The following ANO2 variants were observed in gnomAD, a reference collection of about 807,000 sequenced individuals.
The protein encoded by ANO2 is anoctamin 2, also known as anoctamin-2.
A neutral mutation model predicts 124.2 loss-of-function variants in ANO2; 101 were observed. The observed-to-expected ratio is 0.81, with a 90% confidence interval of 0.69 to 0.96. The LOEUF is 0.96. Ranked by LOEUF, ANO2 falls within the 40% of genes least tolerant of loss-of-function variation. The pLI, the probability that ANO2 is intolerant of heterozygous loss-of-function variation, is 0.00. For synonymous variants in ANO2, 486 were observed against 482.5 expected, an observed-to-expected ratio of 1.01 and a Z score of -0.09; for missense variants, 1,293 against 1,274.5, an observed-to-expected ratio of 1.01 and a Z score of -0.22.
At chr12:5,637,104 C>T (rs1260885724) in intron 15 of ANO2, among the ~76,000 whole-genome samples, 1 of 151,946 alleles carries the variant, frequency 6.6e-6, no homozygotes, top group African/African-American at 2.4e-5. Context: ...CACCAGCCTC[C>T]AGGACTAAGT....
chr12:5,752,584 T>C (rs556677531), intron 10 of ANO2, among the ~76,000 whole-genome samples: 1 of 152,328 alleles, frequency 6.6e-6, no homozygotes, highest in African/African-American at 2.4e-5. Flanking sequence ...TTCTTTGTTT[T>C]GCCACTGAAT....
intron 4 of ANO2, among the ~76,000 whole-genome samples, chr12:5,852,358 G>A (rs1259450635): frequency 6.6e-6 from 1 of 152,160 alleles, no homozygotes; most frequent in Non-Finnish European, 1.5e-5. Flanking sequence ...AGACACTTCA[G>A]GCATGTGACC....
chr12:5,744,189 G>A lies in ANO2; in HGVS notation c.1319C>T (p.Thr440Ile). The stretch of plus-strand genomic sequence containing the variant: ...AGCCATGAAGATAGAGAAGAAGACG[G>A]TGGCAGGGTTGTCAAACAGGTGGCT... ...QASHLFDNPA[T>I]VFFSIFMALW... Residue 440 changes from threonine to isoleucine, a missense_variant, in exon 12 of 25, where the codon ACC becomes ATC. By Grantham distance (89) the Thr-to-Ile change is moderately conservative. Coordinates refer to ENST00000682330, the MANE Select transcript of ANO2 (RefSeq NM_001364791.2). 1.2e-6 allele frequency: 2 copies of A among 1,613,162 alleles called. No homozygotes were observed. The highest frequency in any genetic ancestry group is 1.1e-5 in the South Asian group (1 of 91,082).
At chr12:5,883,482 T>C (rs1938650140) in intron 3 of ANO2, among the ~76,000 whole-genome samples, 1 of 150,622 alleles carries the variant, frequency 6.6e-6, no homozygotes, top group Non-Finnish European at 1.5e-5. Flanking sequence ...TGTGCATGTG[T>C]GCGTGTTTGA....
At chr12:5,594,489 G>C (rs572723169) in intron 20 of ANO2, among the ~76,000 whole-genome samples, 83 of 152,218 alleles carry the variant, frequency 5.5e-4, no homozygotes, top group Admixed American at 7.8e-4. Context: ...CTAATCCCAG[G>C]TCTGTATCTG....
intron 16 of ANO2, among the ~76,000 whole-genome samples, chr12:5,618,007 G>A (rs957660183): frequency 6.6e-6 from 1 of 152,228 alleles, no homozygotes; most frequent in African/African-American, 2.4e-5. Context: ...CTTTGTGAAG[G>A]AGTAGGATGG....
intron 14 of ANO2, among the ~76,000 whole-genome samples, chr12:5,695,824 G>C (rs1472527966): frequency 6.6e-6 from 1 of 152,142 alleles, no homozygotes; most frequent in Non-Finnish European, 1.5e-5. Flanking sequence ...CTGGGTGACA[G>C]AGCAAGACTC....
chr12:5,802,203 T>C (rs1953062187), intron 9 of ANO2, among the ~76,000 whole-genome samples: 2 of 152,224 alleles, frequency 1.3e-5, no homozygotes, highest in Admixed American at 6.5e-5. Context: ...ATCCCAGATC[T>C]GCTGAAAGAG....
intron 9 of ANO2, among the ~76,000 whole-genome samples, chr12:5,805,207 A>G (rs954810463): frequency 6.6e-6 from 1 of 152,210 alleles, no homozygotes; most frequent in Non-Finnish European, 1.5e-5. Flanking sequence ...AGGGACTAAT[A>G]GGCAGGATAA....
At chr12:5,922,513 C>T (rs562001015) in intron 2 of ANO2, 107 bp downstream of exon 2, 1 of 1,263,334 alleles carries the variant, frequency 7.9e-7, no homozygotes, top group Admixed American at 3.0e-5. Context: ...CTCTCTCTTT[C>T]ACGCACACAT....
intron 15 of ANO2, among the ~76,000 whole-genome samples, chr12:5,637,052 GC>G (rs887281548): frequency 7.2e-6 from 1 of 139,546 alleles, no homozygotes; most frequent in Non-Finnish European, 1.5e-5. Context: ...TCTGTGTGAG[GC>G]CCCTCTTCTG....
At position 5,902,918 on chromosome 12, in the gene ANO2, C is replaced by G. The variant is rs150351014; in HGVS notation, c.534+18122G>C. On this transcript the variant is annotated intron_variant, in intron 3 of 24. Transcript: ENST00000682330. ...GAGGGGAGGGGAGTTCTAGCTCAAACCAGGGCACAAAGGTGGGTGACTTAT... is the reference window on the plus strand; with the variant it reads ...GAGGGGAGGGGAGTTCTAGCTCAAAGCAGGGCACAAAGGTGGGTGACTTAT... Among the ~76,000 whole-genome samples the G allele has an allele frequency of 5.0e-3, 621 of 125,006 alleles. 18 individuals carry two copies. The highest frequency in any genetic ancestry group is 0.019 in the African/African-American group (594 of 31,634). The allele number at this position is 125,006 out of a possible 152,430, so 82.0% of individuals were successfully genotyped here. A position where few individuals can be genotyped will look rare whatever the true frequency, so the allele number is the denominator to read the frequency against.
chr12:5,933,399 G>T (rs909904848), intron 1 of ANO2, among the ~76,000 whole-genome samples: 2 of 152,130 alleles, frequency 1.3e-5, no homozygotes, highest in African/African-American at 4.8e-5. Flanking sequence ...AATGTTAAAA[G>T]ATTTTAAGCA....
Position 5,775,525 on chromosome 12 carries a change from G to A in ANO2, c.1055+23982C>T, listed in dbSNP as rs183493488. ...CGCCCAGGCTGGAGTGCAGTGGCGC[G>A]ATCTTGGCTCACTGCAAGCTCCGCC... On this transcript the variant is annotated intron_variant, in intron 10 of 24. Coordinates refer to ENST00000682330, the MANE Select transcript of ANO2 (RefSeq NM_001364791.2). Among the ~76,000 whole-genome samples, 1,420 of 148,646 alleles carry A rather than the reference G, an allele frequency of 9.6e-3. 9 individuals carry two copies. The highest frequency in any genetic ancestry group is 0.015 in the Non-Finnish European group (982 of 67,594).
At chr12:5,569,678 G>A (rs1184093804) in intron 23 of ANO2, among the ~76,000 whole-genome samples, 1 of 152,168 alleles carries the variant, frequency 6.6e-6, no homozygotes, top group African/African-American at 2.4e-5. Context: ...GCTGAGCATA[G>A]AGGAGCTGTC....
At position 5,925,547 on chromosome 12, in the gene ANO2, C is replaced by T. The variant is rs958544304; in HGVS notation, c.23-2743G>A. On this transcript the variant is annotated intron_variant, in intron 1 of 24. Transcript: ENST00000682330. The surrounding 1 kb of genome is among the most constrained non-coding windows in gnomAD (Gnocchi z 4.6). ...GACGTGAGAGGAAGGCCAAGGGGAA[C>T]GCGAGTGACGCCTGCCCTCAGGAAG... Among the ~76,000 whole-genome samples, 1 of 152,154 alleles carries T rather than the reference C, an allele frequency of 6.6e-6. No homozygotes were observed. Among genetic ancestry groups the T allele is most frequent in the African/African-American group, 2.4e-5 (1 of 41,430 alleles).
chr12:5,595,325 C>T (rs1413585137), intron 20 of ANO2, among the ~76,000 whole-genome samples: 1 of 152,146 alleles, frequency 6.6e-6, no homozygotes, highest in African/African-American at 2.4e-5. Context: ...CTCAGCCTCC[C>T]AAGTAGCTAG....
upstream of ANO2, chr12:5,945,326 C>T: frequency 9.7e-7 from 1 of 1,026,956 alleles, no homozygotes; most frequent in Non-Finnish European, 1.2e-6. Flanking sequence ...GCGCCCGCCC[C>T]TCGCCGGCTG....
intron 14 of ANO2, among the ~76,000 whole-genome samples, chr12:5,661,790 C>T (rs1947455961): frequency 6.6e-6 from 1 of 152,236 alleles, no homozygotes; most frequent in Non-Finnish European, 1.5e-5. Flanking sequence ...TTTGAAAATG[C>T]TTCACGGGCA....
Sources: allele counts gnomAD v4.1 joint callset (sites outside exome capture counted in the v4.1 genomes callset), GRCh38; gene constraint gnomAD v4.1.1; non-coding constraint Gnocchi (gnomAD v3.1); transcripts MANE v1.5; gene names NCBI Gene and HGNC (gene_info 2026-07-23, HGNC 2026-07-21).